CTNNA2: variants seen among roughly 807,000 people sequenced by gnomAD.
CTNNA2 encodes the protein catenin alpha 2, also known as catenin alpha-2.
Under a neutral mutation model 101.0 loss-of-function variants are expected in CTNNA2, and 42 were observed. That is an observed-to-expected ratio of 0.42 (90% confidence interval 0.32 to 0.54). CTNNA2 has a LOEUF of 0.54. Ranked by LOEUF, CTNNA2 falls within the 20% of genes least tolerant of loss-of-function variation. The pLI is 0.14. For synonymous variants in CTNNA2, 450 were observed against 456.4 expected (o/e 0.99, Z 0.18); for missense variants, 871 against 1,223.1 (o/e 0.71, Z 4.29).
At chr2:79,810,675 C>T (rs1363725296) in intron 3 of CTNNA2, among the ~76,000 whole-genome samples, 2 of 151,618 alleles carry the variant, frequency 1.3e-5, no homozygotes, top group South Asian at 2.1e-4. Context: ...TATACCTCCC[C>T]CCTCCCCCCA....
intron 4 of CTNNA2, among the ~76,000 whole-genome samples, chr2:79,398,259 C>G (rs544972379): frequency 6.6e-6 from 1 of 152,224 alleles, no homozygotes; most frequent in African/African-American, 2.4e-5. Context: ...CTGTAGTAAA[C>G]TATGATTTGT....
At chr2:80,264,653 T>C (rs946457804) in intron 7 of CTNNA2, among the ~76,000 whole-genome samples, 37 of 152,078 alleles carry the variant, frequency 2.4e-4, no homozygotes, top group African/African-American at 8.9e-4. Flanking sequence ...AAAATGAAAA[T>C]ATCAAATATC....
At chr2:80,090,500 T>C (rs988135590) in intron 7 of CTNNA2, among the ~76,000 whole-genome samples, 2 of 152,060 alleles carry the variant, frequency 1.3e-5, no homozygotes, top group Non-Finnish European at 2.9e-5. Context: ...TGTTGTTCAT[T>C]TCTTCTTAGC....
At chr2:79,267,232 T>TA (rs559171810) in intron 2 of CTNNA2, among the ~76,000 whole-genome samples, 65 of 152,156 alleles carry the variant, frequency 4.3e-4, no homozygotes, top group Non-Finnish European at 8.8e-5. Context: ...ATAGATGCTA[T>TA]AAAAAAATAC....
chr2:79,560,130 A>G (rs535553214), intron 1 of CTNNA2, among the ~76,000 whole-genome samples: 1 of 151,784 alleles, frequency 6.6e-6, no homozygotes, highest in East Asian at 1.9e-4. Context: ...AGAGAAAATG[A>G]CAACTTGGAG....
chr2:79,989,967 C>T (rs894866168), intron 7 of CTNNA2, among the ~76,000 whole-genome samples: 2 of 152,114 alleles, frequency 1.3e-5, no homozygotes, highest in African/African-American at 2.4e-5. Flanking sequence ...GATTCATACC[C>T]CTAGCAGCTG....
chr2:80,252,520 C>A (rs375153252), intron 7 of CTNNA2, among the ~76,000 whole-genome samples: 14 of 152,254 alleles, frequency 9.2e-5, no homozygotes, highest in African/African-American at 3.4e-4. Flanking sequence ...CCATCAAGGG[C>A]TGTTAAACAA....
At chr2:80,307,947 A>G (rs1677184426) in intron 7 of CTNNA2, among the ~76,000 whole-genome samples, 1 of 152,252 alleles carries the variant, frequency 6.6e-6, no homozygotes, top group Non-Finnish European at 1.5e-5. Context: ...TCTGATGGCC[A>G]AACATAATCT....
At chr2:80,236,599 T>C (rs551923129) in intron 7 of CTNNA2, among the ~76,000 whole-genome samples, 3 of 152,304 alleles carry the variant, frequency 2.0e-5, no homozygotes, top group Admixed American at 6.5e-5. Flanking sequence ...TCTACTAGTG[T>C]GTGCAGGAGG....
chr2:80,429,210 G>GC (rs887255083), intron 9 of CTNNA2, among the ~76,000 whole-genome samples: 10 of 152,050 alleles, frequency 6.6e-5, no homozygotes, highest in Middle Eastern at 3.4e-3. Flanking sequence ...AAAGTTCAAG[G>GC]CCCCCCCTTA....
chr2:80,027,270 A>C (rs1245136256), intron 7 of CTNNA2, among the ~76,000 whole-genome samples: 1 of 152,182 alleles, frequency 6.6e-6, no homozygotes, highest in Non-Finnish European at 1.5e-5. Flanking sequence ...CAGCCAGCAC[A>C]AAGGCCCGAG....
chr2:79,982,266 A>ATATAAC (rs1691372937), intron 7 of CTNNA2, among the ~76,000 whole-genome samples: 10 of 85,398 alleles, frequency 1.2e-4, no homozygotes, highest in African/African-American at 5.0e-4. Flanking sequence ...ACACACACAT[A>ATATAAC]ACATATATAT....
intron 3 of CTNNA2, among the ~76,000 whole-genome samples, chr2:79,341,133 T>G (rs904145749): frequency 4.6e-5 from 7 of 152,234 alleles, no homozygotes; most frequent in African/African-American, 1.7e-4. Flanking sequence ...ATCACACAAC[T>G]GGTGAGTGAG....
intron 7 of CTNNA2, among the ~76,000 whole-genome samples, chr2:80,255,101 A>G (rs1336642523): frequency 3.3e-5 from 5 of 152,198 alleles, no homozygotes; most frequent in Admixed American, 2.0e-4. Context: ...GTTACCCACC[A>G]GCCTTCCTGT....
At chr2:80,032,257 C>T (rs1056911273) in intron 7 of CTNNA2, among the ~76,000 whole-genome samples, 7 of 152,110 alleles carry the variant, frequency 4.6e-5, no homozygotes, top group African/African-American at 1.7e-4. Context: ...AAGTCTTTCC[C>T]TGATGTGCCA....
At chr2:79,950,090 G>C (rs1688774727) in intron 7 of CTNNA2, among the ~76,000 whole-genome samples, 1 of 151,692 alleles carries the variant, frequency 6.6e-6, no homozygotes, top group Non-Finnish European at 1.5e-5. Context: ...ATATAAGTTG[G>C]CATTACATGT....
chr2:79,532,724 T>C (rs745635557), intron 1 of CTNNA2, among the ~76,000 whole-genome samples: 117 of 152,280 alleles, frequency 7.7e-4, no homozygotes, highest in Non-Finnish European at 1.5e-3. Context: ...TCTGTCTCTG[T>C]CTTTCTGTCT....
chr2:80,201,835 T>A (rs1480427909), intron 7 of CTNNA2, among the ~76,000 whole-genome samples: 1 of 152,200 alleles, frequency 6.6e-6, no homozygotes, highest in East Asian at 1.9e-4. Context: ...ATTTTTCTAA[T>A]TGCCCAATTT....
chr2:79,504,376 G>A (rs1181416807), intron 4 of CTNNA2, among the ~76,000 whole-genome samples: 5 of 151,988 alleles, frequency 3.3e-5, no homozygotes, highest in Admixed American at 6.6e-5. Context: ...TGCAACCTCC[G>A]CCTCCCGGTT....
Sources: allele counts gnomAD v4.1 joint callset (sites outside exome capture counted in the v4.1 genomes callset), GRCh38; gene constraint gnomAD v4.1.1; transcripts MANE v1.5; gene names NCBI Gene and HGNC (gene_info 2026-07-23, HGNC 2026-07-21).